The following NALCN variants were observed in gnomAD, a reference collection of about 807,000 sequenced individuals.
NALCN encodes the protein sodium leak channel NALCN.
In NALCN, 111 loss-of-function variants were observed where a neutral mutation model predicts 225.3. That is an observed-to-expected ratio of 0.49 (90% CI 0.42 to 0.58). The LOEUF is 0.58. Among genes scored for constraint, NALCN ranks in the 20% least tolerant of loss-of-function variants. The pLI is 0.00. For synonymous variants in NALCN, 764 were observed against 769.0 expected (o/e 0.99, Z 0.11); for missense variants, 1,378 against 2,202.4 (o/e 0.63, Z 7.49).
Position 101,104,689 on chromosome 13 carries a change from C to G in NALCN, c.2637-39G>C. 1 of 1,611,672 alleles carries G rather than the reference C, an allele frequency of 6.2e-7. No homozygotes were observed. Among genetic ancestry groups the G allele is most frequent in the Non-Finnish European group, 8.5e-7 (1 of 1,178,634 alleles). ...AACAAAATTGAGAAACATAAAGGTT[C>G]CAGGAAAGGCTTCTAAGAGTTAGAG... On this transcript the variant is annotated intron_variant, in intron 23 of 43. Transcript: ENST00000251127. The surrounding 1 kb of genome is among the most constrained non-coding windows in gnomAD (Gnocchi z 4.2).
chr13:101,274,689 C>T (rs1405338566), intron 10 of NALCN, among the ~76,000 whole-genome samples: 1 of 152,102 alleles, frequency 6.6e-6, no homozygotes, highest in Non-Finnish European at 1.5e-5. Flanking sequence ...TACAAATTGT[C>T]CATTTGTAAG....
intron 7 of NALCN, among the ~76,000 whole-genome samples, chr13:101,293,960 T>C (rs2043642257): frequency 6.6e-6 from 1 of 152,200 alleles, no homozygotes; most frequent in Admixed American, 6.6e-5. Context: ...TCTAGCCTCT[T>C]TAACACAACA....
intron 6 of NALCN, among the ~76,000 whole-genome samples, chr13:101,364,904 C>A (rs1346419084): frequency 6.6e-6 from 1 of 151,996 alleles, no homozygotes; most frequent in Non-Finnish European, 1.5e-5. Flanking sequence ...ACATAGGAAT[C>A]AAGAAGACGT....
intron 13 of NALCN, among the ~76,000 whole-genome samples, chr13:101,223,118 A>T (rs2140113994): frequency 6.6e-6 from 1 of 152,296 alleles, no homozygotes; most frequent in Non-Finnish European, 1.5e-5. Flanking sequence ...GACCCTGAAA[A>T]AAACAACTCT....
intron 13 of NALCN, among the ~76,000 whole-genome samples, chr13:101,223,892 G>A (rs1373311861): frequency 6.6e-6 from 1 of 151,978 alleles, no homozygotes; most frequent in East Asian, 1.9e-4. Context: ...GGAATATGCT[G>A]ACAAACACCT....
At chr13:101,201,325 G>C (rs116290753) in intron 13 of NALCN, among the ~76,000 whole-genome samples, 23 of 152,230 alleles carry the variant, frequency 1.5e-4, no homozygotes, top group African/African-American at 4.8e-4. Context: ...CTACATACTT[G>C]TTAGCTGTCA....
chr13:101,168,395 C>T (rs996121087), intron 15 of NALCN, among the ~76,000 whole-genome samples: 8 of 152,092 alleles, frequency 5.3e-5, no homozygotes, highest in African/African-American at 1.9e-4. Context: ...AAAATATGAC[C>T]AAACTTCTTC....
At chr13:101,126,999 A>G (rs1322504263) in intron 17 of NALCN, among the ~76,000 whole-genome samples, 2 of 151,992 alleles carry the variant, frequency 1.3e-5, no homozygotes, top group African/African-American at 2.4e-5. Flanking sequence ...TTAAGAGAGG[A>G]CTCCAGATTC....
chr13:101,415,005 C>T (rs1254647085), intron 1 of NALCN, among the ~76,000 whole-genome samples: 1 of 147,476 alleles, frequency 6.8e-6, no homozygotes, highest in African/African-American at 2.7e-5. Context: ...AGAATGACAG[C>T]CAACCAGTTA....
intron 3 of NALCN, 34 bp downstream of exon 3, chr13:101,395,149 A>C: frequency 6.3e-7 from 1 of 1,581,004 alleles, no homozygotes; most frequent in Non-Finnish European, 8.6e-7. Context: ...CAACACATTT[A>C]GGTTCTTAGT....
At chr13:101,172,583 G>C (rs1230696925) in intron 15 of NALCN, among the ~76,000 whole-genome samples, 3 of 151,900 alleles carry the variant, frequency 2.0e-5, no homozygotes, top group East Asian at 3.9e-4. Flanking sequence ...TATTTGAGAC[G>C]GAGTCTCGCT....
intron 18 of NALCN, among the ~76,000 whole-genome samples, chr13:101,114,425 TTCTCTC>T (rs10538126): frequency 0.024 from 3,522 of 147,514 alleles, 117 homozygotes; most frequent in East Asian, 0.18. Context: ...AGCATATTCA[TTCTCTC>T]TCTCTCTCTC....
chr13:101,351,526 G>A (rs1364335240), intron 6 of NALCN, among the ~76,000 whole-genome samples: 1 of 152,116 alleles, frequency 6.6e-6, no homozygotes, highest in African/African-American at 2.4e-5. Context: ...GAGTCCTGTG[G>A]TTTTAAGTTA....
chr13:101,215,205 A>T (rs2040681806), intron 13 of NALCN, among the ~76,000 whole-genome samples: 1 of 152,174 alleles, frequency 6.6e-6, no homozygotes, highest in African/African-American at 2.4e-5. Flanking sequence ...ATCAATACCA[A>T]TGAGAAATGA....
At chr13:101,164,546 C>T (rs1251020578) in intron 15 of NALCN, among the ~76,000 whole-genome samples, 1 of 152,108 alleles carries the variant, frequency 6.6e-6, no homozygotes, top group East Asian at 1.9e-4. Context: ...CCACCTTGGC[C>T]TCCCATATTT....
At chr13:101,077,831 C>A (rs767045796) in intron 34 of NALCN, among the ~76,000 whole-genome samples, 29 of 152,186 alleles carry the variant, frequency 1.9e-4, no homozygotes, top group Non-Finnish European at 2.8e-4. Context: ...ATGCCAGAGA[C>A]CTTCACAGCA....
chr13:101,257,597 T>C (rs2042281502), intron 11 of NALCN, among the ~76,000 whole-genome samples: 1 of 152,182 alleles, frequency 6.6e-6, no homozygotes, highest in African/African-American at 2.4e-5. Context: ...GTGACTTTTT[T>C]CTGTCTTTTC....
At chr13:101,102,317 T>C (rs2034866708) in intron 26 of NALCN, among the ~76,000 whole-genome samples, 2 of 152,024 alleles carry the variant, frequency 1.3e-5, no homozygotes, top group South Asian at 4.2e-4. Context: ...TAATGATATA[T>C]ATACCTCTAG....
At chr13:101,280,054 T>G (rs1375950956) in intron 10 of NALCN, among the ~76,000 whole-genome samples, 1 of 152,120 alleles carries the variant, frequency 6.6e-6, no homozygotes, top group African/African-American at 2.4e-5. Context: ...TATTTTTACT[T>G]AATTCTTTTC....
Sources: allele counts gnomAD v4.1 joint callset (sites outside exome capture counted in the v4.1 genomes callset), GRCh38; gene constraint gnomAD v4.1.1; non-coding constraint Gnocchi (gnomAD v3.1); transcripts MANE v1.5; gene names NCBI Gene and HGNC (gene_info 2026-07-23, HGNC 2026-07-21).